MSR1: variants seen among roughly 807,000 people sequenced by gnomAD.
MSR1 encodes macrophage scavenger receptor 1.
In MSR1, 53 loss-of-function variants were observed where a neutral mutation model predicts 47.2. The observed-to-expected ratio is 1.12, with a 90% CI of 0.90 to 1.41. The LOEUF (loss-of-function observed/expected upper bound fraction) is 1.41. MSR1 is among the 40% of genes most tolerant of loss of function. The pLI, the probability that MSR1 is intolerant of heterozygous loss-of-function variation, is 0.00. For missense variants in MSR1, 786 were observed against 546.9 expected, an observed-to-expected ratio of 1.44 and a Z score of -4.36; for synonymous variants, 239 against 185.6, an observed-to-expected ratio of 1.29 and a Z score of -2.34.
intron 8 of MSR1, chr8:16,120,987 A>G (rs1799991957): frequency 5.1e-5 from 16 of 315,080 alleles, no homozygotes; most frequent in South Asian, 4.3e-4. Context: ...ACATACAAAC[A>G]TACAAACTTA....
chr8:16,133,350 T>C (rs75410719), intron 8 of MSR1, among the ~76,000 whole-genome samples: 1 of 152,016 alleles, frequency 6.6e-6, no homozygotes, highest in Non-Finnish European at 1.5e-5. Flanking sequence ...AGTGGGAAGC[T>C]AAAAGAAGTC....
chr8:16,128,092 A>G (rs932695676), intron 8 of MSR1, among the ~76,000 whole-genome samples: 2 of 152,158 alleles, frequency 1.3e-5, no homozygotes, highest in South Asian at 2.1e-4. Flanking sequence ...GAATGCATCA[A>G]ATTTACTTAT....
intron 6 of MSR1, among the ~76,000 whole-genome samples, chr8:16,151,140 C>T (rs1800847540): frequency 1.3e-5 from 2 of 152,018 alleles, no homozygotes; most frequent in South Asian, 2.1e-4. Context: ...AGAGAGAACT[C>T]GTTCACCCAG....
intron 8 of MSR1, among the ~76,000 whole-genome samples, chr8:16,141,329 G>C (rs768466150): frequency 5.3e-5 from 8 of 152,140 alleles, no homozygotes; most frequent in Non-Finnish European, 8.8e-5. Context: ...GATTACATGT[G>C]AGAGTGTTGA....
rs77060919 is a variant in MSR1, at chr8:16,136,266, C to A, written c.1033+7292G>T. Among the ~76,000 whole-genome samples the A allele has an allele frequency of 4.8e-3, 730 of 152,264 alleles. 5 individuals carry two copies. Among genetic ancestry groups the A allele is most frequent in the African/African-American group, 0.017 (698 of 41,544 alleles). ...TTGTCTTAAGAAATTGCCACAGCCA[C>A]CTCAATCTTCAGCAACCATCACGCT... On this transcript the variant is annotated intron_variant, in intron 8 of 9. Transcript: ENST00000262101.
At chr8:16,122,979 C>T (rs1332057931) in intron 8 of MSR1, among the ~76,000 whole-genome samples, 4 of 150,796 alleles carry the variant, frequency 2.7e-5, no homozygotes, top group Non-Finnish European at 4.4e-5. Flanking sequence ...GGAGTAGCTA[C>T]GACTACAGGT....
At chr8:16,189,526 T>G (rs1471466363) in intron 1 of MSR1, among the ~76,000 whole-genome samples, 1 of 97,160 alleles carries the variant, frequency 1.0e-5, no homozygotes. Context: ...TAAAAAATCA[T>G]ATTTTATATA....
chr8:16,171,877 T>G (rs549209108), intron 3 of MSR1, among the ~76,000 whole-genome samples: 32 of 152,330 alleles, frequency 2.1e-4, no homozygotes, highest in South Asian at 4.1e-4. Context: ...TGCCTCTATT[T>G]CACCACCTGT....
At chr8:16,154,405 CTTCTTTCAAAATAT>C (rs1241914605) in intron 6 of MSR1, among the ~76,000 whole-genome samples, 1 of 151,742 alleles carries the variant, frequency 6.6e-6, no homozygotes, top group Non-Finnish European at 1.5e-5. Context: ...TCTTCTGTGT[CTTCTTTCAAAATAT>C]TTCTTTCAAG....
chr8:16,168,560 G>GATTT lies in MSR1; in HGVS notation c.524_527dup (p.Ser177AsnfsTer14). The GATTT allele has an allele frequency of 6.2e-7, 1 of 1,614,078 alleles. No individual in the cohort carries two copies. The highest frequency in any genetic ancestry group is 8.5e-7 in the Non-Finnish European group (1 of 1,179,958). On this transcript the variant is annotated frameshift_variant, in exon 4 of 10. Transcript: ENST00000262101. LOFTEE classifies it high-confidence loss of function. ...TATTCAAACTTATTAAGGACTTGGAGATTTCATCTATTGCATTCCCATGTC... is the reference window on the plus strand; with the variant it reads ...TATTCAAACTTATTAAGGACTTGGAGATTTATTTCATCTATTGCATTCCCATGTC...
At chr8:16,112,650 A>C (rs1323531132) in intron 9 of MSR1, among the ~76,000 whole-genome samples, 24 of 152,122 alleles carry the variant, frequency 1.6e-4, no homozygotes, top group Admixed American at 1.5e-3. Context: ...CCAATGAGAT[A>C]AAAAACAAAT....
At chr8:16,112,880 T>A (rs1024796040) in intron 9 of MSR1, among the ~76,000 whole-genome samples, 3 of 151,560 alleles carry the variant, frequency 2.0e-5, no homozygotes, top group African/African-American at 7.3e-5. Context: ...CATATATATA[T>A]CTATGATTTC....
intron 1 of MSR1, among the ~76,000 whole-genome samples, chr8:16,188,221 T>C (rs1802058846): frequency 6.6e-6 from 1 of 152,176 alleles, no homozygotes; most frequent in Non-Finnish European, 1.5e-5. Flanking sequence ...TGAAAGAATT[T>C]CAAGGTTAAT....
At chr8:16,157,910 A>G (rs1315904249) in intron 5 of MSR1, among the ~76,000 whole-genome samples, 3 of 151,906 alleles carry the variant, frequency 2.0e-5, no homozygotes, top group Non-Finnish European at 2.9e-5. Flanking sequence ...CAATGTCTCT[A>G]TCAAATTAAG....
chr8:16,174,656 A>G (rs937990714), intron 3 of MSR1, among the ~76,000 whole-genome samples: 1 of 152,214 alleles, frequency 6.6e-6, no homozygotes, highest in South Asian at 2.1e-4. Flanking sequence ...ATGTGGTCAT[A>G]TAAGCTGGAT....
At chr8:16,143,787 T>C (rs369328437) in intron 7 of MSR1, among the ~76,000 whole-genome samples, 176 bp from the exon 8 acceptor site, 4 of 152,234 alleles carry the variant, frequency 2.6e-5, no homozygotes, top group South Asian at 2.1e-4. Flanking sequence ...GGAAGCTCCA[T>C]TCTGAACTCA....
rs574386561 is a variant in MSR1 at position 16,168,403 on chromosome 8, G to A, written c.630+55C>T. 5.0e-5 allele frequency: 80 copies of A among 1,595,230 alleles called. No homozygotes were observed. The Admixed American group carries it at 9.2e-4, about 18-fold the overall frequency. On this transcript the variant is annotated intron_variant, in intron 4 of 9. Transcript: ENST00000262101. ...GCTTTCCTGTACTGCCTAAGGAGAC[G>A]AGACTTGGATGGATTCAGTTCCAGC...
intron 1 of MSR1, among the ~76,000 whole-genome samples, chr8:16,185,047 C>T (rs1205891038): frequency 1.4e-4 from 22 of 151,930 alleles, no homozygotes; most frequent in Admixed American, 1.4e-3. Flanking sequence ...AACAATATTC[C>T]CTATGGCTAC....
intron 2 of MSR1, among the ~76,000 whole-genome samples, chr8:16,177,323 G>C (rs778895201): frequency 1.3e-5 from 2 of 152,006 alleles, no homozygotes; most frequent in Non-Finnish European, 2.9e-5. Context: ...AGAACAAATA[G>C]CTACAGAGAG....
Sources: allele counts gnomAD v4.1 joint callset (sites outside exome capture counted in the v4.1 genomes callset), GRCh38; gene constraint gnomAD v4.1.1; transcripts MANE v1.5; gene names NCBI Gene and HGNC (gene_info 2026-07-23, HGNC 2026-07-21).